The following C12orf42 variants were observed in gnomAD, a reference collection of about 807,000 sequenced individuals.
The protein encoded by C12orf42 is uncharacterized protein C12orf42.
In C12orf42, 25 loss-of-function variants were observed where a neutral mutation model predicts 21.6. The ratio of observed to expected loss-of-function variants is 1.16; its 90% CI spans 0.84 to 1.62. The LOEUF is 1.62. Among genes scored for constraint, C12orf42 ranks in the 40% most tolerant of loss-of-function variants. The pLI, the probability that C12orf42 is intolerant of heterozygous loss-of-function variation, is 0.00. For missense variants in C12orf42, 483 were observed against 459.3 expected (o/e 1.05, Z -0.47); for synonymous variants, 174 against 175.0 (o/e 0.99, Z 0.05).
At chr12:103,395,358 C>A (rs1441003932) in intron 3 of C12orf42, among the ~76,000 whole-genome samples, 1 of 138,886 alleles carries the variant, frequency 7.2e-6, no homozygotes, top group Non-Finnish European at 1.5e-5. Context: ...TTTTTTGAGA[C>A]GGAGTCTCAC....
At chr12:103,181,310 A>G in the C12orf42 span, among the ~76,000 whole-genome samples, 2,904 of 152,258 alleles carry the variant, frequency 0.019, 35 homozygotes, top group East Asian at 0.028. Context: ...AATGAAAAAA[A>G]TTCAAGGATC....
rs547113591 is a variant in C12orf42, at chr12:103,448,150, C to A, written c.78+30199G>T. 4.6e-5 allele frequency among the ~76,000 whole-genome samples: 7 copies of A among 152,078 alleles called. No individual in the cohort carries two copies. The East Asian group carries it at 1.4e-3, about 29-fold the overall frequency. On this transcript the variant is annotated intron_variant, in intron 2 of 5. Coordinates refer to ENST00000548883, the MANE Select transcript of C12orf42 (RefSeq NM_198521.5). ...CAGAGATAAAGCCAAATGCTTATAG[C>A]CAACTGACCTTCAACAAAGCAAACA...
chr12:103,118,241 C>T, the C12orf42 span, among the ~76,000 whole-genome samples: 196 of 152,180 alleles, frequency 1.3e-3, 1 homozygote, highest in Admixed American at 1.8e-3. Flanking sequence ...TTTCTATCTC[C>T]GGTGCCTGGT....
At chr12:103,257,725 A>G (rs1353882297) in intron 10 of C12orf42, among the ~76,000 whole-genome samples, 1 of 152,056 alleles carries the variant, frequency 6.6e-6, no homozygotes, top group Non-Finnish European at 1.5e-5. Context: ...AAATACAAAA[A>G]TAGCAAAGAA....
chr12:103,048,519 A>T, the C12orf42 span, among the ~76,000 whole-genome samples: 1 of 152,216 alleles, frequency 6.6e-6, no homozygotes, highest in East Asian at 1.9e-4. Context: ...GCATGATCTC[A>T]GATCTGATTT....
At chr12:103,422,939 C>T (rs1027202826) in intron 2 of C12orf42, among the ~76,000 whole-genome samples, 6 of 152,144 alleles carry the variant, frequency 3.9e-5, no homozygotes, top group African/African-American at 1.4e-4. Flanking sequence ...TTCCCTGTAG[C>T]ATTTTATCAT....
intron 2 of C12orf42, among the ~76,000 whole-genome samples, chr12:103,430,528 G>A (rs1950188756): frequency 6.6e-6 from 1 of 152,202 alleles, no homozygotes; most frequent in African/African-American, 2.4e-5. Context: ...GTGTAAATTA[G>A]TTCAACCATT....
the C12orf42 span, among the ~76,000 whole-genome samples, chr12:103,143,065 C>T: frequency 1.1e-4 from 16 of 152,086 alleles, no homozygotes; most frequent in East Asian, 1.9e-4. Flanking sequence ...TACACTGGAA[C>T]GTGACAGGCA....
At chr12:103,197,581 G>C in the C12orf42 span, among the ~76,000 whole-genome samples, 11 of 152,136 alleles carry the variant, frequency 7.2e-5, no homozygotes, top group Admixed American at 6.6e-4. Flanking sequence ...ATTTAAGTCT[G>C]ATTAAGAATA....
At chr12:103,148,634 T>C in the C12orf42 span, among the ~76,000 whole-genome samples, 28 of 77,764 alleles carry the variant, frequency 3.6e-4, no homozygotes, top group African/African-American at 5.0e-4. Context: ...GAGTAAAATG[T>C]AATATCTTAG....
rs569638098 is a variant in C12orf42 at position 103,411,137 on chromosome 12, G to T, written c.79-9462C>A. Among the ~76,000 whole-genome samples, 191 of 152,272 alleles carry T rather than the reference G, an allele frequency of 1.3e-3. 1 individual carries two copies. The highest frequency in any genetic ancestry group is 3.4e-3 in the Middle Eastern group (1 of 294). ...TCCCTTGTCCATGCTGTAGTGCATTGCACACCTGCAGATTCATTTGCCAGC... is the reference window on the plus strand; with the variant it reads ...TCCCTTGTCCATGCTGTAGTGCATTTCACACCTGCAGATTCATTTGCCAGC... On this transcript the variant is annotated intron_variant, in intron 2 of 5. Coordinates refer to ENST00000548883, the MANE Select transcript of C12orf42 (RefSeq NM_198521.5).
Position 103,494,544 on chromosome 12 carries a change from CTA to C in C12orf42, c.-22+1356_-22+1357del, listed in dbSNP as rs138430915. Among the ~76,000 whole-genome samples, 1,975 of 151,510 alleles carry C rather than the reference CTA, an allele frequency of 0.013. 189 individuals are homozygous for C. The East Asian group carries it at 0.24, about 19-fold the overall frequency. On this transcript the variant is annotated intron_variant, in intron 1 of 5. Transcript: ENST00000548883. Reference sequence around the variant, plus strand: ...GATGGGTGGGGGTTTTTTAAGCACTCTATGTGGCAGATAAAAAAAAAACCACT... The same window carrying C: ...GATGGGTGGGGGTTTTTTAAGCACTCTGTGGCAGATAAAAAAAAAACCACT...
intron 2 of C12orf42, among the ~76,000 whole-genome samples, chr12:103,453,873 A>G (rs537191536): frequency 6.6e-6 from 1 of 152,190 alleles, no homozygotes; most frequent in African/African-American, 2.4e-5. Context: ...TGTCTTGTTC[A>G]CCACCTTGTC....
At chr12:103,419,959 C>T (rs1661164466) in intron 2 of C12orf42, among the ~76,000 whole-genome samples, 1 of 152,236 alleles carries the variant, frequency 6.6e-6, no homozygotes, top group East Asian at 1.9e-4. Context: ...AATTATGTAA[C>T]AGTACTATAT....
chr12:103,224,289 G>A, the C12orf42 span, among the ~76,000 whole-genome samples: 2 of 152,136 alleles, frequency 1.3e-5, no homozygotes, highest in African/African-American at 4.8e-5. Flanking sequence ...AATAGCAGAT[G>A]GAACACTGAG....
Position 103,294,562 on chromosome 12 carries a change from A to G in C12orf42, n.338-17352T>C, listed in dbSNP as rs1229906962. ...GCAAGCAAGAAAGAAAGAAAGAAAGAAAAAGAAAGGAAGGAAGGAAGGAAA... is the reference window on the plus strand; with the variant it reads ...GCAAGCAAGAAAGAAAGAAAGAAAGGAAAAGAAAGGAAGGAAGGAAGGAAA... On this transcript the variant is annotated intron_variant and non_coding_transcript_variant, in intron 4 of 6. Transcript: ENST00000546526. 3.2e-3 allele frequency among the ~76,000 whole-genome samples: 469 copies of G among 146,152 alleles called. 2 individuals are homozygous for G. Among genetic ancestry groups the G allele is most frequent in the African/African-American group, 0.012 (453 of 39,134 alleles).
intron 10 of C12orf42, among the ~76,000 whole-genome samples, chr12:103,261,508 T>C (rs1295878323): frequency 6.6e-6 from 1 of 151,226 alleles, no homozygotes; most frequent in East Asian, 1.9e-4. Flanking sequence ...AGTATGGTTC[T>C]TGTTGCAAAA....
chr12:103,071,996 T>C, the C12orf42 span, among the ~76,000 whole-genome samples: 2 of 152,288 alleles, frequency 1.3e-5, no homozygotes, highest in Middle Eastern at 6.8e-3. Context: ...TGTAGGTGCT[T>C]ACAGCATCAT....
At chr12:103,227,185 G>T in the C12orf42 span, among the ~76,000 whole-genome samples, 1 of 152,044 alleles carries the variant, frequency 6.6e-6, no homozygotes, top group African/African-American at 2.4e-5. Context: ...GCCTAGAGAA[G>T]AGAGTAGAGA....
Sources: allele counts gnomAD v4.1 joint callset (sites outside exome capture counted in the v4.1 genomes callset), GRCh38; gene constraint gnomAD v4.1.1; transcripts MANE v1.5; gene names NCBI Gene and HGNC (gene_info 2026-07-23, HGNC 2026-07-21).